ZNF717: variants seen among roughly 807,000 people sequenced by gnomAD.
ZNF717 encodes zinc finger protein 717, also known as krueppel-like factor X17.
A neutral mutation model predicts 13.8 loss-of-function variants in ZNF717; 9 were observed. That is an observed-to-expected ratio of 0.65 (90% CI 0.39 to 1.14). The LOEUF is 1.14. ZNF717 is among the 50% of genes most tolerant of loss of function. The probability of loss-of-function intolerance (pLI) is 0.01; values close to 1 mark genes in which losing one functional copy is unlikely to be tolerated. For missense variants in ZNF717, 1,040 were observed against 1,080.7 expected, an observed-to-expected ratio of 0.96 and a Z score of 0.53; for synonymous variants, 327 against 364.1, an observed-to-expected ratio of 0.90 and a Z score of 1.16.
intron 6 of ZNF717, among the ~76,000 whole-genome samples, chr3:75,695,683 A>G (rs1248176207): frequency 6.6e-6 from 1 of 152,262 alleles, no homozygotes; most frequent in Non-Finnish European, 1.5e-5. Flanking sequence ...TTCAGAAACT[A>G]TACAAACACA....
intron 2 of ZNF717, among the ~76,000 whole-genome samples, chr3:75,752,856 C>G (rs1257240383): frequency 6.6e-6 from 1 of 150,954 alleles, no homozygotes; most frequent in Non-Finnish European, 1.5e-5. Context: ...GATTCAAGAA[C>G]ACTCCTGCTG....
Position 75,738,015 on chromosome 3 carries a change from T to A in ZNF717, c.1608A>T (p.Ala536=). The part of the protein sequence containing the change: ...QRTHAGEKPY[A]CNECGKTYSH... ...TATATGTTTTTCCACATTCGTTACA[T>A]GCGTATGGTTTTTCCCCAGCATGAG... Residue 536 remains alanine (A), a synonymous_variant, in exon 5 of 5, where the codon GCA becomes GCT. Transcript: ENST00000652011. The A allele has an allele frequency of 7.4e-7, 1 of 1,345,304 alleles. No individual in the cohort carries two copies. Among genetic ancestry groups the A allele is most frequent in the Non-Finnish European group, 9.9e-7 (1 of 1,007,614 alleles). The allele number at this position is 1,345,304 out of a possible 1,614,324, so 83.3% of individuals were successfully genotyped here.
At chr3:75,697,712 C>T (rs1400085551) in intron 6 of ZNF717, among the ~76,000 whole-genome samples, 2 of 152,310 alleles carry the variant, frequency 1.3e-5, no homozygotes, top group African/African-American at 2.4e-5. Flanking sequence ...TAGCTTAATA[C>T]ATAAAATTGG....
intron 2 of ZNF717, among the ~76,000 whole-genome samples, chr3:75,773,983 G>A (rs931695876): frequency 6.5e-4 from 99 of 152,222 alleles, no homozygotes; most frequent in African/African-American, 2.3e-3. Context: ...CAGGAGGCAG[G>A]GGGTTGCAGT....
intron 6 of ZNF717, among the ~76,000 whole-genome samples, chr3:75,697,124 C>T (rs1369899364): frequency 6.6e-6 from 1 of 151,720 alleles, no homozygotes; most frequent in Admixed American, 6.6e-5. Flanking sequence ...TGGAAGATGA[C>T]AAGAATGTCC....
rs1420885070 is a variant in ZNF717, at chr3:75,737,798, G to A, written c.1825C>T (p.His609Tyr). 9 of 1,551,664 alleles carry A rather than the reference G, an allele frequency of 5.8e-6. No homozygotes were observed. The highest frequency in any genetic ancestry group is 3.6e-5 in the South Asian group (3 of 83,992). The stretch of plus-strand genomic sequence containing the variant: ...CTTTCCCCTGTGTGAGTTCTCTTGT[G>A]TATCCCAAGGTTTAACTTATTGATA... ...TFINKLNLGI[H>Y]KRTHTGERPY... is the part of the protein sequence containing the mutation. The change falls in exon 5 of 5, where the codon CAC (histidine) becomes TAC (tyrosine). Residue 609 changes from histidine (H) to tyrosine (Y), a missense_variant. Physicochemically the swap from His to Tyr is moderately conservative, Grantham distance 83 (BLOSUM62 2). Around this residue, in one of 3 missense-constraint regions of ZNF717, gnomAD observed 873 missense variants for 832.8 expected, o/e 1.05. Transcript: ENST00000652011.
rs1357423239 is a variant in ZNF717 at position 75,738,616 on chromosome 3, T to G, written c.1007A>C (p.Glu336Ala). The G allele has an allele frequency of 1.9e-6, 3 of 1,552,726 alleles. No individual in the cohort carries two copies. The Admixed American group carries it at 5.9e-5, about 30-fold the overall frequency. ...LIIHQRIHTG[E>A]KPYGCNECGK... ...ACATTCATTGCATCCATAGGGCTTT[T>G]CCCCTGTGTGAATTCTCTGATGGAT... The change falls in exon 5 of 5, where the codon GAA (glutamate) becomes GCA (alanine). Residue 336 changes from glutamate (E) to alanine (A), a missense_variant. Coordinates refer to ENST00000652011, the MANE Select transcript of ZNF717 (RefSeq NM_001290208.3).
chr3:75,781,437 G>C (rs1450276370), intron 2 of ZNF717, among the ~76,000 whole-genome samples: 2 of 152,082 alleles, frequency 1.3e-5, no homozygotes, highest in Admixed American at 6.5e-5. Flanking sequence ...ATCGTTTATT[G>C]CTCAACTAAA....
At chr3:75,696,892 CAAAAAAAAAAAAAAAA>C (rs142213799) in intron 6 of ZNF717, among the ~76,000 whole-genome samples, 1 of 61,476 alleles carries the variant, frequency 1.6e-5, no homozygotes, top group Non-Finnish European at 3.4e-5. Flanking sequence ...GACTTCATCT[CAAAAAAAAAAAAAAAA>C]AAAAAAAAAC....
chr3:75,716,031 A>C (rs2918471), intron 5 of ZNF717, among the ~76,000 whole-genome samples: 62,733 of 150,952 alleles, frequency 0.42, 13,469 homozygotes, highest in South Asian at 0.62. Context: ...CATGCAGTGG[A>C]ACAATCTCGG....
intron 2 of ZNF717, among the ~76,000 whole-genome samples, chr3:75,752,397 G>C (rs1487491515): frequency 1.4e-5 from 2 of 146,716 alleles, no homozygotes; most frequent in African/African-American, 2.5e-5. Flanking sequence ...ACTGCTTCGA[G>C]GGCCTAAATG....
intron 6 of ZNF717, among the ~76,000 whole-genome samples, chr3:75,702,434 T>C (rs1479021823): frequency 1.3e-5 from 2 of 152,384 alleles, no homozygotes; most frequent in African/African-American, 2.4e-5. Context: ...ATAGGTGTCA[T>C]AGAGATGGAG....
downstream of ZNF717, among the ~76,000 whole-genome samples, chr3:75,732,682 A>T (rs1391641137): frequency 2.0e-5 from 3 of 152,262 alleles, no homozygotes; most frequent in Non-Finnish European, 4.4e-5. Flanking sequence ...AAATTGAGCA[A>T]TAAATTTCTG....
rs1176790832 is a variant in ZNF717 at position 75,735,966 on chromosome 3, T to C, written c.*912A>G. ...TGCTCAGCAAGCCTGACCAGCACCA[T>C]TTTTCCAACACCATGGGCTCACTTC... On this transcript the variant is annotated 3_prime_UTR_variant, in exon 5 of 5. Coordinates refer to ENST00000652011, the MANE Select transcript of ZNF717 (RefSeq NM_001290208.3). 36 of 152,250 alleles carry C rather than the reference T, an allele frequency of 2.4e-4. 1 individual carries two copies. Among genetic ancestry groups the C allele is most frequent in the African/African-American group, 8.2e-4 (34 of 41,532 alleles). The allele number at this position is 152,250 out of a possible 1,614,324, so 9.4% of individuals were successfully genotyped here.
intron 2 of ZNF717, among the ~76,000 whole-genome samples, chr3:75,755,168 A>T (rs1002575503): frequency 2.6e-5 from 4 of 152,238 alleles, no homozygotes; most frequent in Admixed American, 2.0e-4. Flanking sequence ...ACTTGTTGCC[A>T]GGAGACCTGT....
downstream of ZNF717, among the ~76,000 whole-genome samples, chr3:75,709,353 C>T (rs1298974615): frequency 6.6e-6 from 1 of 152,080 alleles, no homozygotes; most frequent in Non-Finnish European, 1.5e-5. Flanking sequence ...GAGAACTTAT[C>T]ACCAAGGGGA....
intron 2 of ZNF717, among the ~76,000 whole-genome samples, chr3:75,750,296 AGGGT>A (rs1941628480): frequency 6.8e-6 from 1 of 146,128 alleles, no homozygotes; most frequent in Non-Finnish European, 1.5e-5. Flanking sequence ...CACTGCTATG[AGGGT>A]CTGAATGTTT....
At chr3:75,760,095 C>T (rs913871222) in intron 2 of ZNF717, among the ~76,000 whole-genome samples, 18 of 152,366 alleles carry the variant, frequency 1.2e-4, no homozygotes, top group Admixed American at 7.2e-4. Context: ...GTGGTGCAAT[C>T]TCAGCTCACT....
At chr3:75,754,101 C>T (rs1473723322) in intron 2 of ZNF717, among the ~76,000 whole-genome samples, 2 of 152,244 alleles carry the variant, frequency 1.3e-5, no homozygotes, top group African/African-American at 2.4e-5. Flanking sequence ...TTGACCTTCA[C>T]CAAACACCAA....
Sources: gnomAD v4.1 joint callset for allele counts (sites outside exome capture counted in the v4.1 genomes callset) on GRCh38, gnomAD v4.1.1 for gene constraint, gnomAD v4.1.1 regional missense constraint, MANE v1.5 for transcripts, NCBI Gene and HGNC (gene_info 2026-07-23, HGNC 2026-07-21) for gene names.